The following ZC3H7A variants were observed in gnomAD, a reference collection of about 807,000 sequenced individuals.
ZC3H7A encodes zinc finger CCCH domain-containing protein 7A.
A neutral mutation model predicts 125.5 loss-of-function variants in ZC3H7A; 44 were observed. That is an observed-to-expected ratio of 0.35 (90% confidence interval 0.28 to 0.45). The LOEUF is 0.45. Ranked by LOEUF, ZC3H7A falls within the 20% of genes least tolerant of loss-of-function variation. The probability of loss-of-function intolerance (pLI) is 1.00; values close to 1 mark genes in which losing one functional copy is unlikely to be tolerated. For missense variants in ZC3H7A, 977 were observed against 1,170.7 expected (o/e 0.83, Z 2.41); for synonymous variants, 399 against 391.2 (o/e 1.02, Z -0.23).
rs952130063 is a variant in ZC3H7A at position 11,767,718 on chromosome 16, G to T, written c.1361-140C>A. 23 of 801,818 alleles carry T rather than the reference G, an allele frequency of 2.9e-5. No individual in the cohort carries two copies. The African/African-American group carries it at 3.2e-4, about 11-fold the overall frequency. 49.7% of individuals were successfully genotyped at this position (801,818 alleles called of 1,614,324 possible). On this transcript the variant is annotated intron_variant, in intron 12 of 22. Coordinates refer to ENST00000355758, the MANE Select transcript of ZC3H7A (RefSeq NM_014153.4). Reference sequence around the variant, plus strand: ...AATCCCACTTCCACAACCCTAAAATGTAAGTAGGCTACTAAGGTAGATTTG... The same window carrying T: ...AATCCCACTTCCACAACCCTAAAATTTAAGTAGGCTACTAAGGTAGATTTG...
In ZC3H7A at chr16:11,765,500, A is replaced by G; in HGVS notation, c.1708T>C (p.Phe570Leu). 6.2e-7 allele frequency: 1 copy of G among 1,613,090 alleles called. No individual in the cohort carries two copies. Among genetic ancestry groups the G allele is most frequent in the Non-Finnish European group, 8.5e-7 (1 of 1,179,408 alleles). ...TTTGGAGAACACACCTCACAAAGGA[A>G]TATAAATTCCCCAAGATGCTCCTGG... is the stretch of plus-strand genomic sequence containing the variant. Reference protein sequence around the residue: ...LLQEHLGEFIFLCEKCFDHKP... With the variant: ...LLQEHLGEFILLCEKCFDHKP... The change falls in exon 14 of 23, where the codon TTC becomes CTC. Residue 570 changes from phenylalanine to leucine, a missense_variant. Physicochemically the swap from Phe to Leu is conservative, Grantham distance 22 (BLOSUM62 0). This residue lies in a region of ZC3H7A where 436 missense variants were observed against 603.2 expected (regional missense o/e 0.72). Coordinates refer to ENST00000355758, the MANE Select transcript of ZC3H7A (RefSeq NM_014153.4). This position sits in a 1 kb window ranked among gnomAD's most constrained non-coding sequence, Gnocchi z 4.8.
chr16:11,771,587 G>A (rs1344603602), intron 9 of ZC3H7A, among the ~76,000 whole-genome samples: 1 of 151,190 alleles, frequency 6.6e-6, no homozygotes, highest in Non-Finnish European at 1.5e-5. Context: ...TGCAACCTCC[G>A]CCTTCTGAGT....
Position 11,765,355 on chromosome 16 carries a change from TATG to T in ZC3H7A, c.1719+131_1719+133del. The T allele has an allele frequency of 4.7e-6, 3 of 642,046 alleles. No individual in the cohort carries two copies. The highest frequency in any genetic ancestry group is 3.5e-5 in the South Asian group (1 of 28,362). The allele number at this position is 642,046 out of a possible 1,614,324, so 39.8% of individuals were successfully genotyped here. A position where few individuals can be genotyped will look rare whatever the true frequency, so the allele number is the denominator to read the frequency against. On this transcript the variant is annotated intron_variant, in intron 14 of 22. Transcript: ENST00000355758. This position sits in a 1 kb window ranked among gnomAD's most constrained non-coding sequence, Gnocchi z 4.8. ...ACCAGAGGAATATTTTATTCATAAATATGATATTATTTATCATATAAATAAATG... is the reference window on the plus strand; with the variant it reads ...ACCAGAGGAATATTTTATTCATAAATATATTATTTATCATATAAATAAATG...
At chr16:11,758,949 G>A in intron 19 of ZC3H7A, 1 of 180,708 alleles carries the variant, frequency 5.5e-6, no homozygotes, top group Non-Finnish European at 1.1e-5. Context: ...TACTCCAAAG[G>A]GTACTGAACA....
chr16:11,779,111 T>A (rs2053132268), intron 4 of ZC3H7A, 55 bp downstream of exon 4: 1 of 1,384,140 alleles, frequency 7.2e-7, no homozygotes. Flanking sequence ...ATGTACTAAG[T>A]CATTGAAAAA....
chr16:11,776,913 G>A lies in ZC3H7A; in HGVS notation c.307-4C>T. The A allele has an allele frequency of 6.3e-7, 1 of 1,587,134 alleles. No homozygotes were observed. The highest frequency in any genetic ancestry group is 8.5e-7 in the Non-Finnish European group (1 of 1,169,966). ...CCAAAACTTTATCATGGAAACCCTG[G>A]TGTGTAAGACCAAAGAATAAAGTCA... On this transcript the variant is annotated splice_polypyrimidine_tract_variant and splice_region_variant and intron_variant, in intron 4 of 22. Coordinates refer to ENST00000355758, the MANE Select transcript of ZC3H7A (RefSeq NM_014153.4).
intron 15 of ZC3H7A, among the ~76,000 whole-genome samples, chr16:11,764,473 C>T (rs895072216): frequency 2.0e-5 from 3 of 151,920 alleles, no homozygotes; most frequent in Non-Finnish European, 1.5e-5. Context: ...CGCTTGAACT[C>T]GGGAGGCGGA....
intron 15 of ZC3H7A, among the ~76,000 whole-genome samples, chr16:11,764,112 T>A (rs1366485448): frequency 6.6e-6 from 1 of 151,950 alleles, no homozygotes; most frequent in East Asian, 1.9e-4. Context: ...TAAATTTTTA[T>A]CGGAAAAAAA....
intron 21 of ZC3H7A, among the ~76,000 whole-genome samples, chr16:11,754,388 T>C (rs1328341029): frequency 6.7e-6 from 1 of 148,160 alleles, no homozygotes; most frequent in East Asian, 2.0e-4. Context: ...AGGGAATCAA[T>C]GTGACAAAGG....
intron 1 of ZC3H7A, among the ~76,000 whole-genome samples, chr16:11,794,151 A>C (rs1165232543): frequency 1.3e-5 from 2 of 152,146 alleles, no homozygotes; most frequent in Non-Finnish European, 2.9e-5. Context: ...TTGCCTGGGG[A>C]CACTGATACC....
chr16:11,762,942 G>A, intron 16 of ZC3H7A, 195 bp from the exon 17 acceptor site: 3 of 499,238 alleles, frequency 6.0e-6, no homozygotes, highest in South Asian at 3.0e-5. Context: ...TGCCTTCTGA[G>A]GAATCTTTCC....
At chr16:11,756,952 T>A (rs949294725) in intron 20 of ZC3H7A, among the ~76,000 whole-genome samples, 7 of 151,692 alleles carry the variant, frequency 4.6e-5, no homozygotes, top group Non-Finnish European at 7.4e-5. Context: ...AGTTGCTTCC[T>A]ATGGTAAGAA....
chr16:11,791,427 A>C (rs972194575), intron 1 of ZC3H7A, among the ~76,000 whole-genome samples: 1 of 151,794 alleles, frequency 6.6e-6, no homozygotes, highest in African/African-American at 2.4e-5. Context: ...CTTAAATAAC[A>C]CTGTTAGGTA....
intron 21 of ZC3H7A, among the ~76,000 whole-genome samples, chr16:11,755,209 C>CAA (rs71136681): frequency 6.2e-5 from 6 of 96,858 alleles, no homozygotes; most frequent in Admixed American, 1.2e-4. Flanking sequence ...GACTCCATCT[C>CAA]AAAAAAAAAA....
At chr16:11,792,026 G>A (rs1406990348) in intron 1 of ZC3H7A, among the ~76,000 whole-genome samples, 7 of 152,120 alleles carry the variant, frequency 4.6e-5, no homozygotes, top group African/African-American at 1.4e-4. Flanking sequence ...TCCCATCTCA[G>A]CCTCCCAAGT....
intron 1 of ZC3H7A, among the ~76,000 whole-genome samples, chr16:11,790,053 C>T (rs957190162): frequency 4.2e-5 from 6 of 143,820 alleles, no homozygotes; most frequent in Non-Finnish European, 6.0e-5. Flanking sequence ...TGCATTCCAC[C>T]TGAACCACAG....
Position 11,770,935 on chromosome 16 carries a change from A to G in ZC3H7A, c.956T>C (p.Met319Thr), listed in dbSNP as rs1257726432. The change falls in exon 10 of 23, where the codon ATG (methionine) becomes ACG (threonine). Residue 319 changes from methionine (M) to threonine (T), a missense_variant. Coordinates refer to ENST00000355758, the MANE Select transcript of ZC3H7A (RefSeq NM_014153.4). ...PLQTASVSPS[M>T]PFSASLLGTL... ...TCCTAACAGCGATGCCGAAAAGGGCATGCTAGGAGAGACACTGGCTGTCTG... is the reference window on the plus strand; with the variant it reads ...TCCTAACAGCGATGCCGAAAAGGGCGTGCTAGGAGAGACACTGGCTGTCTG... 2 of 1,613,772 alleles carry G rather than the reference A, an allele frequency of 1.2e-6. No homozygotes were observed. Among genetic ancestry groups the G allele is most frequent in the Non-Finnish European group, 1.7e-6 (2 of 1,179,862 alleles).
chr16:11,785,747 G>A (rs2053247489), intron 1 of ZC3H7A, among the ~76,000 whole-genome samples: 1 of 152,136 alleles, frequency 6.6e-6, no homozygotes, highest in South Asian at 2.1e-4. Flanking sequence ...AGCCTCCCGA[G>A]TAGCTGGGAC....
intron 19 of ZC3H7A, chr16:11,758,780 A>AC (rs1011004129): frequency 9.5e-6 from 4 of 421,404 alleles, no homozygotes; most frequent in African/African-American, 2.1e-5. Flanking sequence ...AGCATGGAAC[A>AC]TTTTCTTACA....
Sources: gnomAD v4.1 joint callset for allele counts (sites outside exome capture counted in the v4.1 genomes callset) on GRCh38, gnomAD v4.1.1 for gene constraint, gnomAD v4.1.1 regional missense constraint, Gnocchi (gnomAD v3.1) non-coding constraint, MANE v1.5 for transcripts, NCBI Gene and HGNC (gene_info 2026-07-23, HGNC 2026-07-21) for gene names.